The following MTMR8 variants were observed in gnomAD, a reference collection of about 807,000 sequenced individuals.
MTMR8 encodes myotubularin related protein 8, also known as phosphatidylinositol-3,5-bisphosphate 3-phosphatase MTMR8.
In MTMR8, 65 loss-of-function variants were observed where a neutral mutation model predicts 39.3. That is an observed-to-expected ratio of 1.65 (90% CI 1.35 to 2.03). MTMR8 has a LOEUF of 2.03. Ranked by LOEUF, MTMR8 falls within the 30% of genes most tolerant of loss-of-function variation. MTMR8 has a pLI of 0.00. For missense variants in MTMR8, 777 were observed against 538.9 expected, an observed-to-expected ratio of 1.44 and a Z score of -4.37; for synonymous variants, 245 against 185.2, an observed-to-expected ratio of 1.32 and a Z score of -2.62.
intron 1 of MTMR8, among the ~76,000 whole-genome samples, chrX:64,367,379 T>A (rs1923998619): frequency 8.9e-6 from 1 of 111,845 alleles, no homozygotes; most frequent in South Asian, 3.7e-4. Context: ...TGGCAAACCG[T>A]ATTCAGCAGC....
intron 1 of MTMR8, among the ~76,000 whole-genome samples, chrX:64,365,497 G>A (rs922879488): frequency 3.6e-5 from 4 of 111,802 alleles, no homozygotes; most frequent in Admixed American, 2.8e-4. Flanking sequence ...AGAATTTCAT[G>A]TCCAGCCAAA....
chrX:64,336,096 G>T lies in MTMR8; in HGVS notation c.1134C>A (p.Gly378=), dbSNP rs1307577740. ...ATTTTTACCTTTGGGAAAACTTGTG[G>T]CCCATGGATATCCATTCCTTCTCTA... ...ILIEKEWISM[G]HKFSQRCGHL... is the part of the protein sequence containing the mutation. Residue 378 remains glycine, a synonymous_variant, in exon 10 of 14, where the codon GGC becomes GGA. Coordinates refer to ENST00000374852, the MANE Select transcript of MTMR8 (RefSeq NM_017677.4). The T allele has an allele frequency of 8.4e-7, 1 of 1,194,626 alleles. No homozygotes were observed.
At position 64,268,857 on chromosome X, in the gene MTMR8, C is replaced by T. The variant is rs150515951; in HGVS notation, c.1795G>A (p.Asp599Asn). Reference sequence around the variant, plus strand: ...TCTGCACCCTGGCTTTTTACTTGATCCATCTGAGCTCGGAGGCCTCCTTCC... The same window carrying T: ...TCTGCACCCTGGCTTTTTACTTGATTCATCTGAGCTCGGAGGCCTCCTTCC... ...SREGGLRAQMDQVKSQGADLH... is the reference protein window; with the variant it reads ...SREGGLRAQMNQVKSQGADLH... Residue 599 changes from aspartate (D) to asparagine (N), a missense_variant, in exon 14 of 14, where the codon GAT becomes AAT. Transcript: ENST00000374852. 8.3e-7 allele frequency: 1 copy of T among 1,209,820 alleles called. No homozygotes were observed. The highest frequency in any genetic ancestry group is 1.8e-5 in the African/African-American group (1 of 57,065).
chrX:64,303,689 T>G (rs191403920), intron 12 of MTMR8, among the ~76,000 whole-genome samples: 39 of 112,478 alleles, frequency 3.5e-4, no homozygotes, highest in African/African-American at 1.3e-3. Context: ...CAAAAACTAC[T>G]TTATCAGTCT....
chrX:64,355,603 G>C (rs945894330), intron 3 of MTMR8, among the ~76,000 whole-genome samples: 2 of 110,963 alleles, frequency 1.8e-5, no homozygotes, highest in African/African-American at 6.6e-5. Context: ...GGAAAAATGG[G>C]AGAGAAAATG....
At chrX:64,306,236 C>T in intron 12 of MTMR8, 1 of 335,943 alleles carries the variant, frequency 3.0e-6, no homozygotes, top group African/African-American at 2.6e-5. Flanking sequence ...CACAAACATT[C>T]TGATGAAGTG....
chrX:64,312,120 T>G (rs992927245), intron 12 of MTMR8, among the ~76,000 whole-genome samples: 13 of 111,786 alleles, frequency 1.2e-4, no homozygotes, highest in Non-Finnish European at 2.1e-4. Context: ...ACTATATTGA[T>G]TCTTCCTACC....
chrX:64,325,123 C>G (rs1211432155), intron 12 of MTMR8, among the ~76,000 whole-genome samples: 1 of 111,393 alleles, frequency 9.0e-6, no homozygotes, highest in Non-Finnish European at 1.9e-5. Context: ...AATAGAAAAT[C>G]TGAACAGACC....
In MTMR8 at chrX:64,281,950, C is replaced by T. The variant is rs183793089; in HGVS notation, c.1482-10877G>A. On this transcript the variant is annotated intron_variant, in intron 12 of 13. Transcript: ENST00000374852. ...CAAAAAAAAAAAAAAGATATTTATG[C>T]GGCCAACAAACATATGAAAGAAAGC... 8.6e-4 allele frequency among the ~76,000 whole-genome samples: 94 copies of T among 109,096 alleles called. 1 individual carries two copies. The Middle Eastern group carries it at 0.023, about 27-fold the overall frequency. 94.7% of individuals were successfully genotyped at this position (109,096 alleles called of 115,157 possible).
At chrX:64,383,147 A>T (rs1924474647) in intron 1 of MTMR8, among the ~76,000 whole-genome samples, 3 of 111,293 alleles carry the variant, frequency 2.7e-5, no homozygotes, top group Non-Finnish European at 3.8e-5. Flanking sequence ...AAGAAAAAAG[A>T]TCTCTTTTGA....
At chrX:64,360,407 A>T in intron 1 of MTMR8, 1 of 302,643 alleles carries the variant, frequency 3.3e-6, no homozygotes, top group Non-Finnish European at 6.3e-6. Context: ...AAAAAAAAAA[A>T]TCAAATGAAG....
intron 11 of MTMR8, among the ~76,000 whole-genome samples, chrX:64,330,518 T>C (rs1000934409): frequency 5.4e-5 from 6 of 111,597 alleles, no homozygotes; most frequent in Admixed American, 3.8e-4. Flanking sequence ...TAGGAGTGAG[T>C]TGTGAAACAG....
chrX:64,354,561 T>C (rs1410181664), intron 4 of MTMR8, among the ~76,000 whole-genome samples: 1 of 112,059 alleles, frequency 8.9e-6, no homozygotes, highest in Non-Finnish European at 1.9e-5. Context: ...CCTGCACCTA[T>C]GCTCCCATAA....
intron 12 of MTMR8, among the ~76,000 whole-genome samples, chrX:64,327,340 C>T (rs905698768): frequency 9.0e-5 from 10 of 111,422 alleles, no homozygotes; most frequent in African/African-American, 2.9e-4. Flanking sequence ...AATAGCAAAG[C>T]AAACAATCTG....
intron 12 of MTMR8, among the ~76,000 whole-genome samples, chrX:64,274,831 A>T (rs1208865925): frequency 8.9e-6 from 1 of 112,061 alleles, no homozygotes; most frequent in African/African-American, 3.2e-5. Flanking sequence ...ATATCTTCTC[A>T]CTTACACTTG....
chrX:64,375,279 T>C (rs1331882580), intron 1 of MTMR8, among the ~76,000 whole-genome samples: 4 of 108,087 alleles, frequency 3.7e-5, no homozygotes, highest in Admixed American at 9.9e-5. Context: ...TGCCTGAGCT[T>C]GGGAGGCAGA....
intron 12 of MTMR8, among the ~76,000 whole-genome samples, chrX:64,283,041 G>A (rs1291092013): frequency 8.9e-6 from 1 of 112,232 alleles, no homozygotes; most frequent in Non-Finnish European, 1.9e-5. Context: ...CCTCACCCAG[G>A]AAGCGCAAGG....
At position 64,288,389 on chromosome X, in the gene MTMR8, G is replaced by A. The variant is rs139974504; in HGVS notation, c.1482-17316C>T. ...AACAACACGTGCTGGAGAGGATGTG[G>A]AGAAATAGGAACACTTTTACTCTGT... On this transcript the variant is annotated intron_variant, in intron 12 of 13. Coordinates refer to ENST00000374852, the MANE Select transcript of MTMR8 (RefSeq NM_017677.4). Among the ~76,000 whole-genome samples, 416 of 111,446 alleles carry A rather than the reference G, an allele frequency of 3.7e-3. 4 individuals carry two copies. The highest frequency in any genetic ancestry group is 0.013 in the African/African-American group (407 of 30,724).
chrX:64,297,013 C>T (rs1317940039), intron 12 of MTMR8, among the ~76,000 whole-genome samples: 1 of 100,766 alleles, frequency 9.9e-6, no homozygotes, highest in Non-Finnish European at 2.0e-5. Context: ...CAAGTCTTTG[C>T]TATTGTGAAT....
Sources: gnomAD v4.1 joint callset for allele counts (sites outside exome capture counted in the v4.1 genomes callset) on GRCh38, gnomAD v4.1.1 for gene constraint, MANE v1.5 for transcripts, NCBI Gene and HGNC (gene_info 2026-07-23, HGNC 2026-07-21) for gene names.